The following SLC2A9 variants were observed in gnomAD, a reference collection of about 807,000 sequenced individuals.
The protein encoded by SLC2A9 is solute carrier family 2, facilitated glucose transporter member 9.
SLC2A9 carries 39 observed loss-of-function variants against 50.6 expected under a neutral mutation model. The ratio of observed to expected loss-of-function variants is 0.77; its 90% CI spans 0.60 to 1.01. SLC2A9 has a LOEUF of 1.01. SLC2A9 is among the 50% of genes least tolerant of loss of function. SLC2A9 has a pLI of 0.00. For synonymous variants in SLC2A9, 324 were observed against 276.9 expected, an observed-to-expected ratio of 1.17 and a Z score of -1.69; for missense variants, 686 against 677.6, an observed-to-expected ratio of 1.01 and a Z score of -0.14.
intron 5 of SLC2A9, among the ~76,000 whole-genome samples, chr4:9,974,855 TA>T (rs1164875000): frequency 6.6e-6 from 1 of 152,166 alleles, no homozygotes; most frequent in African/African-American, 2.4e-5. Flanking sequence ...CCTCAAGCCA[TA>T]CTGTAAACCT....
chr4:9,995,023 C>A (rs1409508721), intron 3 of SLC2A9, among the ~76,000 whole-genome samples: 1 of 152,126 alleles, frequency 6.6e-6, no homozygotes, highest in Non-Finnish European at 1.5e-5. Context: ...ACATTCCCAG[C>A]ATTGGGAATT....
intron 3 of SLC2A9, among the ~76,000 whole-genome samples, chr4:9,809,507 C>T (rs1722572588): frequency 6.6e-6 from 1 of 152,124 alleles, no homozygotes; most frequent in East Asian, 1.9e-4. Flanking sequence ...GCAGAATGGC[C>T]CGGGCACAAG....
intron 6 of SLC2A9, among the ~76,000 whole-genome samples, chr4:9,926,790 G>A (rs1490227492): frequency 6.6e-6 from 1 of 152,094 alleles, no homozygotes; most frequent in East Asian, 1.9e-4. Context: ...TAGGAGGATG[G>A]ACTCTGGATC....
rs778229983 is a variant in SLC2A9, at chr4:9,826,490, G to A, written c.1530C>T (p.Ile510=). The A allele has an allele frequency of 4.3e-6, 7 of 1,614,080 alleles. No individual in the cohort carries two copies. The Admixed American group carries it at 1.2e-4, about 27-fold the overall frequency. ...TGTTCCTTTTGGAAAATGCCTGGCTGATTTCTGCATAGGTTCTGTTTTTGG... is the reference window on the plus strand; with the variant it reads ...TGTTCCTTTTGGAAAATGCCTGGCTAATTTCTGCATAGGTTCTGTTTTTGG... ...PETKNRTYAE[I]SQAFSKRNKA... The change falls in exon 12 of 12, where the codon ATC becomes ATT. Residue 510 remains isoleucine, a synonymous_variant. Coordinates refer to ENST00000264784, the MANE Select transcript of SLC2A9 (RefSeq NM_020041.3).
At chr4:10,004,625 T>C (rs1269244704) in intron 2 of SLC2A9, among the ~76,000 whole-genome samples, 5 of 152,206 alleles carry the variant, frequency 3.3e-5, no homozygotes, top group African/African-American at 9.7e-5. Flanking sequence ...AATGAGGTGA[T>C]ATAAATGGGA....
At chr4:9,771,151 G>T, downstream of SLC2A9, 1 of 213,406 alleles carries the variant, frequency 4.7e-6, no homozygotes, top group Non-Finnish European at 9.3e-6. Flanking sequence ...CAGAAGCCAT[G>T]GGAAATGGAG....
intron 3 of SLC2A9, among the ~76,000 whole-genome samples, chr4:9,993,861 G>A (rs1758135991): frequency 6.6e-6 from 1 of 152,162 alleles, no homozygotes; most frequent in African/African-American, 2.4e-5. Flanking sequence ...GGCCCCCTTT[G>A]CTTCCCTGCC....
intron 7 of SLC2A9, among the ~76,000 whole-genome samples, chr4:9,910,188 T>G (rs1167095239): frequency 6.6e-6 from 1 of 152,232 alleles, no homozygotes; most frequent in Non-Finnish European, 1.5e-5. Flanking sequence ...AATATTCGTG[T>G]AAAACAAGAA....
At chr4:10,018,833 C>T in intron 2 of SLC2A9, 142 bp downstream of exon 2, 1 of 758,992 alleles carries the variant, frequency 1.3e-6, no homozygotes, top group South Asian at 1.7e-5. Context: ...CCCCTCTCCC[C>T]CGAGTGGGGG....
At chr4:9,822,632 C>T (rs1333700619), downstream of SLC2A9, among the ~76,000 whole-genome samples, 1 of 152,182 alleles carries the variant, frequency 6.6e-6, no homozygotes, top group Non-Finnish European at 1.5e-5. Context: ...AAAATTCAAA[C>T]TGGATTGACA....
chr4:9,788,582 C>T (rs564706376), intron 3 of SLC2A9, among the ~76,000 whole-genome samples: 6 of 152,154 alleles, frequency 3.9e-5, no homozygotes, highest in African/African-American at 1.2e-4. Context: ...GACCTGGGGA[C>T]ACATGTGTCC....
chr4:10,036,702 T>C (rs1414098947), intron 1 of SLC2A9, among the ~76,000 whole-genome samples: 2 of 152,254 alleles, frequency 1.3e-5, no homozygotes, highest in East Asian at 1.9e-4. Flanking sequence ...AGCTCTGTAG[T>C]GAGCACGTAT....
At chr4:9,936,694 G>A (rs766401768) in intron 6 of SLC2A9, among the ~76,000 whole-genome samples, 11 of 152,120 alleles carry the variant, frequency 7.2e-5, no homozygotes, top group Middle Eastern at 3.2e-3. Flanking sequence ...AGGAGAAATC[G>A]GGGCTCCAGG....
At chr4:9,909,846 A>G (rs1457936717) in intron 7 of SLC2A9, among the ~76,000 whole-genome samples, 1 of 152,232 alleles carries the variant, frequency 6.6e-6, no homozygotes, top group Non-Finnish European at 1.5e-5. Flanking sequence ...GAACAGTTTG[A>G]TACTTATTCA....
chr4:10,024,160 G>A (rs1227383545), upstream of SLC2A9, among the ~76,000 whole-genome samples: 1 of 152,016 alleles, frequency 6.6e-6, no homozygotes, highest in Non-Finnish European at 1.5e-5. Flanking sequence ...CCAACCTCTC[G>A]CTGCCTCTGT....
chr4:9,898,952 T>A (rs1294751262), intron 8 of SLC2A9, among the ~76,000 whole-genome samples: 4 of 152,220 alleles, frequency 2.6e-5, no homozygotes, highest in Admixed American at 2.0e-4. Flanking sequence ...TATGGCCATT[T>A]CTTTAAACAT....
intron 8 of SLC2A9, among the ~76,000 whole-genome samples, chr4:9,905,514 C>T (rs913289913): frequency 2.6e-5 from 4 of 152,222 alleles, no homozygotes; most frequent in African/African-American, 9.6e-5. Context: ...ACTCTGAGTT[C>T]TGATTTTAGA....
chr4:9,882,088 G>A (rs895954593), intron 10 of SLC2A9, among the ~76,000 whole-genome samples: 2 of 152,182 alleles, frequency 1.3e-5, no homozygotes, highest in African/African-American at 4.8e-5. Context: ...AGGAATGGCT[G>A]GAACCATGAA....
At chr4:9,890,945 A>C (rs1737292631) in intron 8 of SLC2A9, among the ~76,000 whole-genome samples, 1 of 151,854 alleles carries the variant, frequency 6.6e-6, no homozygotes, top group Non-Finnish European at 1.5e-5. Context: ...AATAACGAGC[A>C]CTCTCCTCCG....
Sources: allele counts gnomAD v4.1 joint callset (sites outside exome capture counted in the v4.1 genomes callset), GRCh38; gene constraint gnomAD v4.1.1; transcripts MANE v1.5; gene names NCBI Gene and HGNC (gene_info 2026-07-23, HGNC 2026-07-21).